The following CSMD1 variants were observed in gnomAD, a reference collection of about 807,000 sequenced individuals.
CSMD1 encodes CUB and Sushi multiple domains 1.
In CSMD1, 213 loss-of-function variants were observed where a neutral mutation model predicts 417.5. That is an observed-to-expected ratio of 0.51 (90% CI 0.46 to 0.57). The LOEUF (loss-of-function observed/expected upper bound fraction) is 0.57. Among genes scored for constraint, CSMD1 ranks in the 20% least tolerant of loss-of-function variants. The pLI is 0.00. For missense variants in CSMD1, 6,923 were observed against 4,529.7 expected, an observed-to-expected ratio of 1.53 and a Z score of -15.17; for synonymous variants, 2,862 against 1,736.8, an observed-to-expected ratio of 1.65 and a Z score of -16.11.
chr8:4,945,704 G>C (rs937691274), intron 1 of CSMD1, among the ~76,000 whole-genome samples: 3 of 152,120 alleles, frequency 2.0e-5, no homozygotes, highest in African/African-American at 4.8e-5. Context: ...CAAAGACAAA[G>C]AGAAAACTAA....
At chr8:3,382,386 A>G (rs1169953697) in intron 18 of CSMD1, among the ~76,000 whole-genome samples, 1 of 145,174 alleles carries the variant, frequency 6.9e-6, no homozygotes, top group Non-Finnish European at 1.5e-5. Flanking sequence ...TTTAGTAATT[A>G]GTTATATATA....
intron 2 of CSMD1, among the ~76,000 whole-genome samples, chr8:4,471,778 T>C (rs181234794): frequency 3.5e-4 from 53 of 152,156 alleles, no homozygotes; most frequent in Admixed American, 2.1e-3. Context: ...CAAAGGAGAC[T>C]GAGGAGCAAT....
At chr8:3,907,592 G>A (rs1207993437) in intron 5 of CSMD1, among the ~76,000 whole-genome samples, 1 of 152,144 alleles carries the variant, frequency 6.6e-6, no homozygotes, top group Non-Finnish European at 1.5e-5. Context: ...CCAGGTACAG[G>A]CCAACATCAT....
At chr8:3,033,716 T>C (rs1234595485) in intron 50 of CSMD1, among the ~76,000 whole-genome samples, 1 of 152,080 alleles carries the variant, frequency 6.6e-6, no homozygotes, top group African/African-American at 2.4e-5. Context: ...TGTATACCTA[T>C]GTAACAAACC....
chr8:4,809,920 G>C (rs1798799368), intron 1 of CSMD1, among the ~76,000 whole-genome samples: 1 of 152,288 alleles, frequency 6.6e-6, no homozygotes, highest in East Asian at 1.9e-4. Flanking sequence ...CACTTACCAA[G>C]TATATTAACC....
intron 3 of CSMD1, among the ~76,000 whole-genome samples, chr8:4,293,136 G>T (rs1363870999): frequency 6.6e-6 from 1 of 152,080 alleles, no homozygotes; most frequent in African/African-American, 2.4e-5. Context: ...TCTCAGTTTT[G>T]TCCCGCACCT....
intron 1 of CSMD1, among the ~76,000 whole-genome samples, chr8:4,924,337 C>A (rs1806706293): frequency 6.6e-6 from 1 of 152,176 alleles, no homozygotes; most frequent in South Asian, 2.1e-4. Context: ...GAATTTTCCT[C>A]TCAAGAATTT....
chr8:4,366,532 C>T (rs919406848), intron 3 of CSMD1, among the ~76,000 whole-genome samples: 4 of 152,116 alleles, frequency 2.6e-5, no homozygotes, highest in African/African-American at 9.7e-5. Flanking sequence ...AATTAATTTG[C>T]ATTCCACTCA....
At chr8:3,731,718 C>A (rs1030018144) in intron 6 of CSMD1, among the ~76,000 whole-genome samples, 7 of 152,088 alleles carry the variant, frequency 4.6e-5, no homozygotes, top group Non-Finnish European at 7.3e-5. Context: ...AGGCTTAGAG[C>A]ACAGAATTTA....
At chr8:4,096,006 T>G (rs759288596) in intron 3 of CSMD1, among the ~76,000 whole-genome samples, 2 of 152,082 alleles carry the variant, frequency 1.3e-5, no homozygotes, top group Non-Finnish European at 2.9e-5. Context: ...GTCAGAAACA[T>G]AGGAAAGGAT....
chr8:4,203,547 G>C (rs781432634), intron 3 of CSMD1, among the ~76,000 whole-genome samples: 3 of 152,146 alleles, frequency 2.0e-5, no homozygotes, highest in Admixed American at 1.3e-4. Context: ...TTATTAAACA[G>C]CTGGGTGTGA....
chr8:4,120,076 C>T (rs1033191661), intron 3 of CSMD1, among the ~76,000 whole-genome samples: 1 of 152,090 alleles, frequency 6.6e-6, no homozygotes, highest in Non-Finnish European at 1.5e-5. Context: ...ATTTGTAATA[C>T]AAAGGATAAA....
At chr8:4,139,442 C>A (rs541633821) in intron 3 of CSMD1, among the ~76,000 whole-genome samples, 4 of 144,448 alleles carry the variant, frequency 2.8e-5, no homozygotes, top group African/African-American at 1.2e-4. Flanking sequence ...AAGGAAGACT[C>A]TATGCCTGCC....
At chr8:3,944,509 T>C (rs188549172) in intron 5 of CSMD1, among the ~76,000 whole-genome samples, 1 of 152,250 alleles carries the variant, frequency 6.6e-6, no homozygotes, top group East Asian at 1.9e-4. Flanking sequence ...ACCTTTAGAT[T>C]AGGCAGAGTT....
intron 2 of CSMD1, among the ~76,000 whole-genome samples, chr8:4,525,862 G>A (rs925313529): frequency 2.0e-5 from 3 of 152,104 alleles, no homozygotes; most frequent in South Asian, 2.1e-4. Flanking sequence ...CAGTTCCATC[G>A]TGATTCTTCC....
intron 5 of CSMD1, among the ~76,000 whole-genome samples, chr8:3,920,835 G>T (rs555187834): frequency 6.6e-6 from 1 of 152,086 alleles, no homozygotes. Context: ...CCTGACTGTG[G>T]TGTATGATCC....
In CSMD1 at chr8:4,475,927, T is replaced by C. The variant is rs972923686; in HGVS notation, c.303-55862A>G. ...CTCACCTGGCTCTTTTATTATACTT[T>C]GTTGGTGTTATTGCTGTTGGTTTCA... is the stretch of plus-strand genomic sequence containing the variant. On this transcript the variant is annotated intron_variant, in intron 2 of 69. Transcript: ENST00000635120. 2.6e-5 allele frequency among the ~76,000 whole-genome samples: 4 copies of C among 152,178 alleles called. No individual in the cohort carries two copies. In the East Asian group the frequency reaches 7.7e-4, roughly 29 times the overall value.
At chr8:4,876,689 C>G (rs1430281022) in intron 1 of CSMD1, among the ~76,000 whole-genome samples, 7 of 152,054 alleles carry the variant, frequency 4.6e-5, no homozygotes, top group African/African-American at 1.5e-4. Flanking sequence ...TGCATATAGT[C>G]TCCTTCTGTG....
At chr8:3,676,724 T>C (rs530007905) in intron 7 of CSMD1, among the ~76,000 whole-genome samples, 6 of 152,246 alleles carry the variant, frequency 3.9e-5, no homozygotes, top group Admixed American at 6.5e-5. Flanking sequence ...AGTGTGATCA[T>C]TGAAATACGT....
Sources: allele counts gnomAD v4.1 joint callset (sites outside exome capture counted in the v4.1 genomes callset), GRCh38; gene constraint gnomAD v4.1.1; transcripts MANE v1.5; gene names NCBI Gene and HGNC (gene_info 2026-07-23, HGNC 2026-07-21).